The following PTPRT variants were observed in gnomAD, a reference collection of about 807,000 sequenced individuals.
PTPRT encodes the protein receptor-type tyrosine-protein phosphatase T.
In PTPRT, 56 loss-of-function variants were observed where a neutral mutation model predicts 176.8. That is an observed-to-expected ratio of 0.32 (90% CI 0.26 to 0.40). PTPRT has a LOEUF of 0.40. PTPRT is among the 10% of genes least tolerant of loss of function. The probability of loss-of-function intolerance (pLI) is 1.00; values close to 1 mark genes in which losing one functional copy is unlikely to be tolerated. For missense variants in PTPRT, 1,540 were observed against 1,908.2 expected (o/e 0.81, Z 3.60); for synonymous variants, 783 against 739.0 (o/e 1.06, Z -0.96).
intron 6 of PTPRT, among the ~76,000 whole-genome samples, chr20:42,705,430 G>A (rs111366759): frequency 1.3e-5 from 2 of 151,764 alleles, no homozygotes; most frequent in African/African-American, 4.8e-5. Context: ...CGGGGTGGGG[G>A]GAGGTGCGGG....
intron 13 of PTPRT, among the ~76,000 whole-genome samples, chr20:42,261,185 C>T (rs572922082): frequency 6.6e-6 from 1 of 152,296 alleles, no homozygotes; most frequent in East Asian, 1.9e-4. Context: ...CAGAACTCTT[C>T]TTTGCTTCTT....
rs78521316 is a variant in PTPRT, at chr20:42,601,743, A to G, written c.1153+76123T>C. ...ATTAATGAATACATCTCAATAAATCATTACTAAATTAATGAATAAATAAAT... is the reference window on the plus strand; with the variant it reads ...ATTAATGAATACATCTCAATAAATCGTTACTAAATTAATGAATAAATAAAT... On this transcript the variant is annotated intron_variant, in intron 7 of 30. Coordinates refer to ENST00000373187, the MANE Select transcript of PTPRT (RefSeq NM_007050.6). Among the ~76,000 whole-genome samples the G allele has an allele frequency of 5.1e-3, 771 of 152,296 alleles. 4 individuals carry two copies. The highest frequency in any genetic ancestry group is 0.017 in the African/African-American group (695 of 41,540).
chr20:42,140,226 CTTT>C (rs201555533), intron 18 of PTPRT, among the ~76,000 whole-genome samples: 1 of 146,976 alleles, frequency 6.8e-6, no homozygotes, highest in Non-Finnish European at 1.5e-5. Context: ...ATTCAGGATC[CTTT>C]TTTTTTTTCT....
rs1982691732 is a variant in PTPRT at position 42,075,576 on chromosome 20, C to T, written c.*5303G>A. The T allele has an allele frequency of 4.8e-6, 1 of 208,706 alleles. No homozygotes were observed. Among genetic ancestry groups the T allele is most frequent in the African/African-American group, 2.3e-5 (1 of 43,896 alleles). The allele number at this position is 208,706 out of a possible 1,614,324, so 12.9% of individuals were successfully genotyped here. On this transcript the variant is annotated 3_prime_UTR_variant, in exon 31 of 31. Transcript: ENST00000373187. ...CATTTTGTCCCAAGGCAGTGAGGTA[C>T]CAAGGAATTATCATTTCCTTCAATG...
chr20:42,495,112 C>T (rs138862952), intron 7 of PTPRT, among the ~76,000 whole-genome samples: 1 of 152,218 alleles, frequency 6.6e-6, no homozygotes, highest in African/African-American at 2.4e-5. Context: ...ATTTCCAGAG[C>T]AGCAAAGAAC....
At chr20:42,465,937 C>T (rs909654051) in intron 8 of PTPRT, among the ~76,000 whole-genome samples, 7 of 152,230 alleles carry the variant, frequency 4.6e-5, no homozygotes, top group Admixed American at 3.9e-4. Flanking sequence ...CCCACACTCC[C>T]CCAACAGGCC....
intron 1 of PTPRT, among the ~76,000 whole-genome samples, chr20:43,088,336 GTGTGTGT>G (rs2011689062): frequency 1.3e-3 from 20 of 15,158 alleles, no homozygotes; most frequent in Admixed American, 4.3e-3. Context: ...GCTTTGGGGT[GTGTGTGT>G]GTGTGTGTGT....
intron 6 of PTPRT, among the ~76,000 whole-genome samples, chr20:42,694,025 CTTTTA>C (rs527451118): frequency 0.2 from 29,185 of 147,442 alleles, 3,304 homozygotes; most frequent in African/African-American, 0.29. Context: ...GGTTTTTTTT[CTTTTA>C]TTTTATTTTC....
rs376602124 is a variant in PTPRT, at chr20:42,255,348, G to C, written c.2177-6526C>G. ...TCTAAGAATCAAATGTAATAATGGAGGGAAAAATGCTTGATAAACTCTTGA... is the reference window on the plus strand; with the variant it reads ...TCTAAGAATCAAATGTAATAATGGACGGAAAAATGCTTGATAAACTCTTGA... On this transcript the variant is annotated intron_variant, in intron 13 of 30. Transcript: ENST00000373187. Among the ~76,000 whole-genome samples, 4 of 152,298 alleles carry C rather than the reference G, an allele frequency of 2.6e-5. No homozygotes were observed. In the East Asian group the frequency reaches 7.7e-4, roughly 29 times the overall value.
At chr20:42,883,803 CCCTT>C (rs1600516041) in intron 2 of PTPRT, among the ~76,000 whole-genome samples, 27 of 1,348 alleles carry the variant, frequency 0.02, no homozygotes, top group South Asian at 0.028. Context: ...ACACACACAA[CCCTT>C]ACACCCCCAT....
chr20:42,164,226 G>A (rs1478677206), intron 16 of PTPRT, among the ~76,000 whole-genome samples: 1 of 152,212 alleles, frequency 6.6e-6, no homozygotes, highest in Admixed American at 6.5e-5. Flanking sequence ...CTGCATGGGA[G>A]ACCAGCTGCC....
intron 16 of PTPRT, among the ~76,000 whole-genome samples, chr20:42,181,773 T>C (rs2146591775): frequency 6.6e-6 from 1 of 152,322 alleles, no homozygotes; most frequent in East Asian, 1.9e-4. Context: ...AGAAGTTGTC[T>C]ATGCAATCAT....
intron 1 of PTPRT, among the ~76,000 whole-genome samples, chr20:43,084,292 GA>G (rs1283802444): frequency 6.6e-5 from 10 of 152,136 alleles, no homozygotes; most frequent in Admixed American, 3.9e-4. Flanking sequence ...ACATTGCTAT[GA>G]AGACATACCT....
rs11475084 is a variant in PTPRT at position 42,911,976 on chromosome 20, C to CTTTTTT, written c.89-26050_89-26045dup. 6.6e-3 allele frequency among the ~76,000 whole-genome samples: 801 copies of CTTTTTT among 122,162 alleles called. 2 individuals carry two copies. Among genetic ancestry groups the CTTTTTT allele is most frequent in the East Asian group, 0.015 (63 of 4,232 alleles). 80.1% of individuals were successfully genotyped at this position (122,162 alleles called of 152,430 possible). On this transcript the variant is annotated intron_variant, in intron 1 of 30. Coordinates refer to ENST00000373187, the MANE Select transcript of PTPRT (RefSeq NM_007050.6). Reference sequence around the variant, plus strand: ...AATTTACTAACCCAAATCCTCTTTTCTTTTTTTTTTTTTTTTTTGCTTTCA... The same window carrying CTTTTTT: ...AATTTACTAACCCAAATCCTCTTTTCTTTTTTTTTTTTTTTTTTTTTTTTGCTTTCA...
chr20:42,907,203 C>T (rs949599304), intron 1 of PTPRT, among the ~76,000 whole-genome samples: 13 of 152,216 alleles, frequency 8.5e-5, no homozygotes, highest in African/African-American at 3.1e-4. Flanking sequence ...CCGAAGAACG[C>T]TTTAAATAGT....
At chr20:42,475,280 G>A (rs2145304590) in intron 7 of PTPRT, among the ~76,000 whole-genome samples, 1 of 152,310 alleles carries the variant, frequency 6.6e-6, no homozygotes, top group African/African-American at 2.4e-5. Flanking sequence ...GTGACAAAGT[G>A]CGGTTTTGAA....
intron 7 of PTPRT, among the ~76,000 whole-genome samples, chr20:42,663,296 G>C (rs2075258200): frequency 6.6e-6 from 1 of 152,082 alleles, no homozygotes; most frequent in South Asian, 2.1e-4. Context: ...ATTTGGGAGG[G>C]AGGAAACAGA....
chr20:42,785,177 T>C (rs2077270828), intron 3 of PTPRT, among the ~76,000 whole-genome samples: 4 of 152,206 alleles, frequency 2.6e-5, no homozygotes, highest in Admixed American at 2.0e-4. Flanking sequence ...AAGCCCCTGC[T>C]TTCCCAAGAA....
At chr20:42,980,098 T>C (rs1361344315) in intron 1 of PTPRT, among the ~76,000 whole-genome samples, 1 of 152,138 alleles carries the variant, frequency 6.6e-6, no homozygotes, top group Non-Finnish European at 1.5e-5. Flanking sequence ...AGAGCAATTA[T>C]AAATGGTAAC....
Sources: allele counts gnomAD v4.1 joint callset (sites outside exome capture counted in the v4.1 genomes callset), GRCh38; gene constraint gnomAD v4.1.1; transcripts MANE v1.5; gene names NCBI Gene and HGNC (gene_info 2026-07-23, HGNC 2026-07-21).